DNAAF9: variants seen among roughly 807,000 people sequenced by gnomAD.
DNAAF9 encodes shulin.
DNAAF9 carries 90 observed loss-of-function variants against 167.0 expected under a neutral mutation model. The observed-to-expected ratio is 0.54, with a 90% confidence interval of 0.45 to 0.64. DNAAF9 has a LOEUF of 0.64. DNAAF9 is among the 30% of genes least tolerant of loss of function. The pLI, the probability that DNAAF9 is intolerant of heterozygous loss-of-function variation, is 0.00. For synonymous variants in DNAAF9, 491 were observed against 508.8 expected, an observed-to-expected ratio of 0.96 and a Z score of 0.47; for missense variants, 1,315 against 1,442.2, an observed-to-expected ratio of 0.91 and a Z score of 1.43.
At chr20:3,278,979 A>G (rs760505167) in intron 28 of DNAAF9, 30 bp from the exon 29 acceptor site, 2 of 1,525,452 alleles carry the variant, frequency 1.3e-6, no homozygotes, top group South Asian at 1.1e-5. Context: ...AAATATTTAA[A>G]AACCATTCAC....
chr20:3,310,389 G>GAAAGAATT (rs973030792), intron 20 of DNAAF9, among the ~76,000 whole-genome samples: 5 of 149,740 alleles, frequency 3.3e-5, no homozygotes, highest in Admixed American at 3.3e-4. Flanking sequence ...AAGAAAGAAA[G>GAAAGAATT]AATTCCTAAA....
At chr20:3,388,172 G>A (rs1452857274) in intron 1 of DNAAF9, among the ~76,000 whole-genome samples, 1 of 151,890 alleles carries the variant, frequency 6.6e-6, no homozygotes. Context: ...AATCATTAGA[G>A]AAATGCAAAT....
intron 30 of DNAAF9, among the ~76,000 whole-genome samples, chr20:3,265,976 G>A (rs939695386): frequency 9.2e-5 from 14 of 152,042 alleles, no homozygotes; most frequent in Non-Finnish European, 1.2e-4. Context: ...CACTGCACCC[G>A]GCCTAAATTT....
At chr20:3,257,976 GC>G (rs2068310474) in intron 33 of DNAAF9, among the ~76,000 whole-genome samples, 1 of 138,596 alleles carries the variant, frequency 7.2e-6, no homozygotes. Flanking sequence ...TGATCTGCCT[GC>G]CTTGGCCTCC....
chr20:3,262,041 C>T (rs1183143282), intron 31 of DNAAF9, among the ~76,000 whole-genome samples: 3 of 152,142 alleles, frequency 2.0e-5, no homozygotes, highest in Admixed American at 2.0e-4. Context: ...AAAGCCCATT[C>T]ACTCTGAGGT....
At chr20:3,392,171 A>G (rs1052716320) in intron 1 of DNAAF9, among the ~76,000 whole-genome samples, 1 of 152,122 alleles carries the variant, frequency 6.6e-6, no homozygotes, top group African/African-American at 2.4e-5. Context: ...TTATCTACAA[A>G]AAGAAAAAGA....
intron 1 of DNAAF9, among the ~76,000 whole-genome samples, chr20:3,405,190 G>A (rs888970440): frequency 6.6e-6 from 1 of 152,172 alleles, no homozygotes; most frequent in Non-Finnish European, 1.5e-5. Context: ...TAAGACTGAT[G>A]ACTATCACAT....
In DNAAF9 at chr20:3,255,986, G is replaced by A; in HGVS notation, c.3261+20C>T. 1.9e-6 allele frequency: 3 copies of A among 1,597,742 alleles called. No individual in the cohort carries two copies. The South Asian group carries it at 3.3e-5, about 18-fold the overall frequency. ...GTCTGGTCACATCTGTGTCAGGTCT[G>A]TCTGGGCTCTGGAAACCACCTGCTT... On this transcript the variant is annotated intron_variant, in intron 34 of 36. Transcript: ENST00000252032.
At chr20:3,360,079 GAGA>G (rs1199247318) in intron 6 of DNAAF9, 1 of 152,272 alleles carries the variant, frequency 6.6e-6, no homozygotes, top group African/African-American at 2.4e-5. Flanking sequence ...GAAGGATACA[GAGA>G]AGATTACCAT....
intron 31 of DNAAF9, among the ~76,000 whole-genome samples, chr20:3,263,992 C>T (rs990735997): frequency 6.6e-6 from 1 of 152,176 alleles, no homozygotes; most frequent in African/African-American, 2.4e-5. Context: ...CTGGAGAGGT[C>T]CACAGGCTGT....
At chr20:3,407,437 C>G in intron 1 of DNAAF9, 38 bp downstream of exon 1, 1 of 1,280,440 alleles carries the variant, frequency 7.8e-7, no homozygotes, top group South Asian at 2.6e-5. Flanking sequence ...CCCGCATCCC[C>G]CGCCCGGCCG....
chr20:3,388,491 TGAAA>T (rs2083781654), intron 1 of DNAAF9, among the ~76,000 whole-genome samples: 1 of 152,160 alleles, frequency 6.6e-6, no homozygotes, highest in South Asian at 2.1e-4. Flanking sequence ...AAGCAGGGAC[TGAAA>T]GAGATACCTG....
At chr20:3,282,748 C>A (rs1268583098) in intron 27 of DNAAF9, among the ~76,000 whole-genome samples, 1 of 152,150 alleles carries the variant, frequency 6.6e-6, no homozygotes, top group African/African-American at 2.4e-5. Flanking sequence ...CATACTTCTA[C>A]CTCTGCATTC....
Position 3,361,685 on chromosome 20 carries a change from T to C in DNAAF9, c.613-2092A>G, listed in dbSNP as rs565275281. Among the ~76,000 whole-genome samples, 13 of 152,372 alleles carry C rather than the reference T, an allele frequency of 8.5e-5. No individual in the cohort carries two copies. In the South Asian group the frequency reaches 2.7e-3, roughly 32 times the overall value. On this transcript the variant is annotated intron_variant, in intron 6 of 36. Transcript: ENST00000252032. Reference sequence around the variant, plus strand: ...CTACACTTGACAGGATGATTTGTTATAGCACAACTTATATATTTCAAATGG... The same window carrying C: ...CTACACTTGACAGGATGATTTGTTACAGCACAACTTATATATTTCAAATGG...
At chr20:3,332,900 G>GTGGTGTGTGT (rs1376871054) in intron 10 of DNAAF9, among the ~76,000 whole-genome samples, 15 of 146,840 alleles carry the variant, frequency 1.0e-4, no homozygotes, top group African/African-American at 3.3e-4. Flanking sequence ...GTGTGCGTGT[G>GTGGTGTGTGT]GTGTGTGTGT....
At chr20:3,350,156 GACAC>G (rs35251429) in intron 7 of DNAAF9, among the ~76,000 whole-genome samples, 127 of 89,952 alleles carry the variant, frequency 1.4e-3, no homozygotes, top group Non-Finnish European at 1.6e-3. Flanking sequence ...CAGACACACA[GACAC>G]ACACACACAC....
Position 3,298,191 on chromosome 20 carries a change from G to A in DNAAF9, c.1783-16C>T, listed in dbSNP as rs2069117178. 1.2e-6 allele frequency: 2 copies of A among 1,607,042 alleles called. No homozygotes were observed. The highest frequency in any genetic ancestry group is 1.7e-6 in the Non-Finnish European group (2 of 1,176,154). ...TGGTGGAATCCTAAAGCGAAAAGGA[G>A]GGAGCATCAGCAAGAAGAGCATCTG... On this transcript the variant is annotated splice_polypyrimidine_tract_variant and intron_variant, in intron 21 of 36. Coordinates refer to ENST00000252032, the MANE Select transcript of DNAAF9 (RefSeq NM_001009984.3).
chr20:3,362,096 CT>C, intron 6 of DNAAF9: 1 of 1,397,928 alleles, frequency 7.2e-7, no homozygotes, highest in Non-Finnish European at 1.0e-6. Flanking sequence ...GGGGGTGCTT[CT>C]GAGTATTTAG....
At position 3,374,031 on chromosome 20, in the gene DNAAF9, C is replaced by T; in HGVS notation, c.612+17G>A. 6.6e-7 allele frequency: 1 copy of T among 1,517,000 alleles called. No individual in the cohort carries two copies. Among genetic ancestry groups the T allele is most frequent in the Non-Finnish European group, 9.2e-7 (1 of 1,091,528 alleles). 94.0% of individuals were successfully genotyped at this position (1,517,000 alleles called of 1,614,324 possible). A position where few individuals can be genotyped will look rare whatever the true frequency, so the allele number is the denominator to read the frequency against. On this transcript the variant is annotated intron_variant, in intron 6 of 36. Transcript: ENST00000252032. Reference sequence around the variant, plus strand: ...CAGTGGCAGACAAAAACTAGGCATACTGCTTTTCATACATACCTCATATTT... The same window carrying T: ...CAGTGGCAGACAAAAACTAGGCATATTGCTTTTCATACATACCTCATATTT...
Sources: allele counts gnomAD v4.1 joint callset (sites outside exome capture counted in the v4.1 genomes callset), GRCh38; gene constraint gnomAD v4.1.1; transcripts MANE v1.5; gene names NCBI Gene and HGNC (gene_info 2026-07-23, HGNC 2026-07-21).